SYT14: variants seen among roughly 807,000 people sequenced by gnomAD.
SYT14 encodes synaptotagmin 14.
Under a neutral mutation model 74.2 loss-of-function variants are expected in SYT14, and 32 were observed. The observed-to-expected ratio is 0.43, with a 90% CI of 0.33 to 0.58. The LOEUF (loss-of-function observed/expected upper bound fraction) is 0.58, where lower values mean the gene tolerates loss of function less well. SYT14 is among the 20% of genes least tolerant of loss of function. The probability of loss-of-function intolerance (pLI) is 0.05; values close to 1 mark genes in which losing one functional copy is unlikely to be tolerated. For synonymous variants in SYT14, 298 were observed against 337.7 expected, an observed-to-expected ratio of 0.88 and a Z score of 1.29; for missense variants, 791 against 981.8, an observed-to-expected ratio of 0.81 and a Z score of 2.60.
exon 10 of SYT14, chr1:210,171,177 T>C (rs1042057842): frequency 1.3e-5 from 2 of 152,198 alleles, no homozygotes; most frequent in African/African-American, 4.8e-5. Context: ...TTTTTCATAT[T>C]TCATTACCTT....
At chr1:210,157,800 G>A (rs765335345) in intron 8 of SYT14, among the ~76,000 whole-genome samples, 173 of 151,600 alleles carry the variant, frequency 1.1e-3, no homozygotes, top group Non-Finnish European at 1.9e-3. Context: ...AAATAAAGGA[G>A]GGGTAACTTT....
intron 7 of SYT14, among the ~76,000 whole-genome samples, chr1:210,133,570 T>TC (rs1483571961): frequency 2.0e-5 from 3 of 152,170 alleles, no homozygotes; most frequent in Admixed American, 6.5e-5. Context: ...GATAGTGGTG[T>TC]CCAGTGTATT....
intron 7 of SYT14, among the ~76,000 whole-genome samples, chr1:210,141,625 T>A (rs988276848): frequency 2.0e-5 from 3 of 152,166 alleles, no homozygotes; most frequent in Non-Finnish European, 2.9e-5. Flanking sequence ...GTAAAGTCTA[T>A]ATTATTGTCA....
At chr1:210,141,046 C>CAAAAAAAAA (rs36006017) in intron 7 of SYT14, among the ~76,000 whole-genome samples, 1 of 97,106 alleles carries the variant, frequency 1.0e-5, no homozygotes. Context: ...TTTGTTTCTG[C>CAAAAAAAAA]AAAAAAAAAA....
At chr1:209,950,309 A>T (rs543971744) in intron 1 of SYT14, among the ~76,000 whole-genome samples, 2 of 152,286 alleles carry the variant, frequency 1.3e-5, no homozygotes, top group African/African-American at 4.8e-5. Flanking sequence ...AATACATTAT[A>T]GTTATGTTAT....
chr1:210,083,051 C>T lies in SYT14; in HGVS notation c.1313-11271C>T, dbSNP rs760623749. On this transcript the variant is annotated intron_variant, in intron 5 of 9. Transcript: ENST00000637265. Reference sequence around the variant, plus strand: ...GCTGGAGTGCAGTGGCATGATCTCTCCTGATTGCAACCTCCACCTCCCAGG... The same window carrying T: ...GCTGGAGTGCAGTGGCATGATCTCTTCTGATTGCAACCTCCACCTCCCAGG... 2.0e-5 allele frequency among the ~76,000 whole-genome samples: 3 copies of T among 151,510 alleles called. No individual in the cohort carries two copies. The South Asian group carries it at 6.3e-4, about 32-fold the overall frequency.
At chr1:210,116,969 A>G (rs2082374435) in intron 7 of SYT14, among the ~76,000 whole-genome samples, 1 of 152,152 alleles carries the variant, frequency 6.6e-6, no homozygotes, top group Non-Finnish European at 1.5e-5. Flanking sequence ...GGAATGCAAT[A>G]AGCATGCATC....
chr1:210,141,192 ACTT>A (rs2082908230), intron 7 of SYT14, among the ~76,000 whole-genome samples: 1 of 152,010 alleles, frequency 6.6e-6, no homozygotes, highest in Non-Finnish European at 1.5e-5. Context: ...TTTATTTAGG[ACTT>A]CTTTGATTTC....
At chr1:209,949,371 G>C (rs2078874794) in intron 1 of SYT14, among the ~76,000 whole-genome samples, 1 of 151,850 alleles carries the variant, frequency 6.6e-6, no homozygotes, top group African/African-American at 2.4e-5. Flanking sequence ...TCAAGAGATC[G>C]AGACCATCCT....
At chr1:209,952,549 G>C (rs1443156410) in intron 1 of SYT14, among the ~76,000 whole-genome samples, 160 bp from the exon 2 acceptor site, 2 of 152,120 alleles carry the variant, frequency 1.3e-5, no homozygotes, top group African/African-American at 2.4e-5. Flanking sequence ...AGAAAATTCT[G>C]ATATTAGGCT....
intron 5 of SYT14, among the ~76,000 whole-genome samples, chr1:210,078,331 A>G (rs1379476098): frequency 2.0e-5 from 3 of 151,302 alleles, no homozygotes; most frequent in African/African-American, 7.3e-5. Flanking sequence ...AAAAAAAAAA[A>G]AAAAAAATGC....
At chr1:210,005,204 A>C (rs1421779705) in intron 2 of SYT14, among the ~76,000 whole-genome samples, 1 of 152,042 alleles carries the variant, frequency 6.6e-6, no homozygotes. Flanking sequence ...AGATGGTTTT[A>C]GAGTGAGCAA....
intron 2 of SYT14, among the ~76,000 whole-genome samples, chr1:210,007,037 A>C (rs2080000881): frequency 6.6e-6 from 1 of 151,922 alleles, no homozygotes; most frequent in Non-Finnish European, 1.5e-5. Context: ...CTTTAGTAAG[A>C]CTGTAATTTT....
chr1:210,138,181 T>G (rs1210663867), intron 7 of SYT14, among the ~76,000 whole-genome samples: 1 of 152,190 alleles, frequency 6.6e-6, no homozygotes. Flanking sequence ...TCCACATGAC[T>G]GGGGAAGTCT....
chr1:209,985,216 A>G (rs1299440245), intron 2 of SYT14, among the ~76,000 whole-genome samples: 2 of 152,236 alleles, frequency 1.3e-5, no homozygotes, highest in Non-Finnish European at 2.9e-5. Flanking sequence ...GTAAAATCAA[A>G]CAAATTATTT....
intron 5 of SYT14, among the ~76,000 whole-genome samples, chr1:210,079,790 C>G (rs2081585480): frequency 6.6e-6 from 1 of 152,144 alleles, no homozygotes; most frequent in Admixed American, 6.5e-5. Context: ...CAGCTTATTA[C>G]TTAGAGACAA....
chr1:210,040,507 G>A (rs2080765138), intron 5 of SYT14, among the ~76,000 whole-genome samples: 1 of 151,024 alleles, frequency 6.6e-6, no homozygotes, highest in African/African-American at 2.4e-5. Context: ...AGAACTTAAA[G>A]TGTAATTTAA....
intron 5 of SYT14, among the ~76,000 whole-genome samples, chr1:210,071,932 C>T (rs1406852871): frequency 6.6e-6 from 1 of 151,656 alleles, no homozygotes; most frequent in Non-Finnish European, 1.5e-5. Context: ...TATTGTCTTT[C>T]ATATAATTAG....
At chr1:209,973,206 CATTTT>C (rs1369248364) in intron 2 of SYT14, among the ~76,000 whole-genome samples, 50 of 150,782 alleles carry the variant, frequency 3.3e-4, no homozygotes, top group Non-Finnish European at 5.8e-4. Context: ...TCTTTCATTT[CATTTT>C]ATTTTATTTT....
Sources: allele counts gnomAD v4.1 joint callset (sites outside exome capture counted in the v4.1 genomes callset), GRCh38; gene constraint gnomAD v4.1.1; transcripts MANE v1.5; gene names NCBI Gene and HGNC (gene_info 2026-07-23, HGNC 2026-07-21).